The following ESRRG variants were observed in gnomAD, a reference collection of about 807,000 sequenced individuals.
The protein encoded by ESRRG is estrogen related receptor gamma.
ESRRG carries 13 observed loss-of-function variants against 44.0 expected under a neutral mutation model. The ratio of observed to expected loss-of-function variants is 0.30; its 90% CI spans 0.19 to 0.47. ESRRG has a LOEUF of 0.47. Ranked by LOEUF, ESRRG falls within the 20% of genes least tolerant of loss-of-function variation. The pLI is 1.00. For missense variants in ESRRG, 395 were observed against 580.6 expected (o/e 0.68, Z 3.29); for synonymous variants, 215 against 214.6 (o/e 1.00, Z -0.02).
chr1:216,694,070 T>A (rs879496801), intron 1 of ESRRG, among the ~76,000 whole-genome samples: 3 of 152,188 alleles, frequency 2.0e-5, no homozygotes, highest in Admixed American at 2.0e-4. Flanking sequence ...AAAATGATTA[T>A]AAGATTTTTA....
chr1:216,562,603 G>A (rs534766716), intron 5 of ESRRG, among the ~76,000 whole-genome samples: 36 of 152,152 alleles, frequency 2.4e-4, no homozygotes, highest in Non-Finnish European at 4.9e-4. Flanking sequence ...TAGAGGCCAT[G>A]GGTGCCGCTA....
chr1:216,684,893 T>C (rs1480981498), intron 1 of ESRRG, among the ~76,000 whole-genome samples: 1 of 152,210 alleles, frequency 6.6e-6, no homozygotes, highest in African/African-American at 2.4e-5. Context: ...AGTGTGTATA[T>C]TTGCCCTAAT....
chr1:216,716,874 T>C (rs543789958), intron 1 of ESRRG, among the ~76,000 whole-genome samples: 32 of 152,034 alleles, frequency 2.1e-4, no homozygotes, highest in Middle Eastern at 3.4e-3. Context: ...GGTTTATAGC[T>C]ACATTCAAAT....
At position 216,519,162 on chromosome 1, in the gene ESRRG, A is replaced by G. The variant is rs763268140; in HGVS notation, c.1122T>C (p.Leu374=). ...TGTCAGTATGCCAACCTGAATTAGCAAGAGCTATAGCTTTGAGGGTGACAA... is the reference window on the plus strand; with the variant it reads ...TGTCAGTATGCCAACCTGAATTAGCGAGAGCTATAGCTTTGAGGGTGACAA... ...EEFVTLKAIA[L]ANSDSMHIED... The change falls in exon 6 of 7, where the codon CTT becomes CTC. Residue 374 remains leucine (L), a synonymous_variant. Coordinates refer to ENST00000408911, the MANE Select transcript of ESRRG (RefSeq NM_001438.4). 1 of 1,613,558 alleles carries G rather than the reference A, an allele frequency of 6.2e-7. No homozygotes were observed. Among genetic ancestry groups the G allele is most frequent in the African/African-American group, 1.3e-5 (1 of 75,024 alleles).
chr1:217,008,355 G>T (rs185263803), intron 1 of ESRRG, among the ~76,000 whole-genome samples: 325 of 152,304 alleles, frequency 2.1e-3, no homozygotes, highest in African/African-American at 7.5e-3. Flanking sequence ...TTTCTCCACA[G>T]TCAGAATATA....
At chr1:216,610,348 C>T (rs1168562392) in intron 3 of ESRRG, among the ~76,000 whole-genome samples, 2 of 152,064 alleles carry the variant, frequency 1.3e-5, no homozygotes, top group Non-Finnish European at 2.9e-5. Context: ...CCAGCTTAAT[C>T]CCTGCCTAAT....
chr1:216,536,044 C>G (rs1387755669), intron 5 of ESRRG, among the ~76,000 whole-genome samples: 1 of 152,154 alleles, frequency 6.6e-6, no homozygotes. Flanking sequence ...ACTGACCCCT[C>G]TCTTACTTCC....
At chr1:216,618,451 G>A (rs2061718667) in intron 3 of ESRRG, among the ~76,000 whole-genome samples, 1 of 152,058 alleles carries the variant, frequency 6.6e-6, no homozygotes, top group African/African-American at 2.4e-5. Flanking sequence ...GCCTCATTTG[G>A]TACCATGTCC....
intron 2 of ESRRG, among the ~76,000 whole-genome samples, chr1:216,913,623 C>T (rs2060773787): frequency 6.6e-6 from 1 of 152,240 alleles, no homozygotes; most frequent in Non-Finnish European, 1.5e-5. Context: ...ACTCACTCTA[C>T]GGCCCTTGCC....
chr1:216,986,635 G>A (rs1249732613), intron 1 of ESRRG, among the ~76,000 whole-genome samples: 1 of 151,186 alleles, frequency 6.6e-6, no homozygotes, highest in African/African-American at 2.5e-5. Flanking sequence ...GCTGAGGCTG[G>A]AGGATCGCTT....
At chr1:216,993,166 C>T (rs966312762) in intron 1 of ESRRG, among the ~76,000 whole-genome samples, 5 of 152,184 alleles carry the variant, frequency 3.3e-5, no homozygotes, top group African/African-American at 1.2e-4. Context: ...ATTTTATTCA[C>T]ACTTTAAAAC....
At chr1:217,068,817 G>T (rs149412128) in intron 1 of ESRRG, among the ~76,000 whole-genome samples, 2 of 152,064 alleles carry the variant, frequency 1.3e-5, no homozygotes, top group African/African-American at 4.8e-5. Flanking sequence ...CACTTTTTCC[G>T]CCTTCCAATC....
At chr1:216,834,615 A>C (rs896377217) in intron 2 of ESRRG, among the ~76,000 whole-genome samples, 1 of 152,214 alleles carries the variant, frequency 6.6e-6, no homozygotes, top group African/African-American at 2.4e-5. Context: ...AAATGTTTGA[A>C]AAATGATTGT....
intron 1 of ESRRG, among the ~76,000 whole-genome samples, chr1:217,123,574 T>C (rs1051770240): frequency 3.9e-5 from 6 of 151,978 alleles, no homozygotes; most frequent in African/African-American, 1.5e-4. Flanking sequence ...TATACAACCA[T>C]AAAAAAGAAT....
intron 2 of ESRRG, among the ~76,000 whole-genome samples, chr1:216,901,615 C>A (rs557925062): frequency 3.9e-5 from 6 of 152,194 alleles, no homozygotes. Context: ...AAGTAATGTT[C>A]CCACCTTGGC....
chr1:216,695,797 A>T (rs796888660), intron 1 of ESRRG, among the ~76,000 whole-genome samples: 1 of 152,214 alleles, frequency 6.6e-6, no homozygotes, highest in East Asian at 1.9e-4. Flanking sequence ...GATACCATGA[A>T]GTCAAGATCA....
intron 2 of ESRRG, among the ~76,000 whole-genome samples, chr1:216,821,339 G>A (rs2148613567): frequency 6.6e-6 from 1 of 152,166 alleles, no homozygotes; most frequent in African/African-American, 2.4e-5. Flanking sequence ...CCATCCCACT[G>A]AACCATTTGA....
chr1:217,102,543 C>T (rs556736928), intron 1 of ESRRG, among the ~76,000 whole-genome samples: 7 of 152,262 alleles, frequency 4.6e-5, no homozygotes, highest in African/African-American at 1.4e-4. Context: ...TGAAATTACC[C>T]TCCCACGTCT....
intron 2 of ESRRG, among the ~76,000 whole-genome samples, chr1:216,652,590 A>G (rs1272752627): frequency 2.0e-5 from 3 of 152,196 alleles, no homozygotes; most frequent in African/African-American, 7.2e-5. Flanking sequence ...ACTTTTTAAC[A>G]GGAGGTTAAA....
Sources: gnomAD v4.1 joint callset for allele counts (sites outside exome capture counted in the v4.1 genomes callset) on GRCh38, gnomAD v4.1.1 for gene constraint, MANE v1.5 for transcripts, NCBI Gene and HGNC (gene_info 2026-07-23, HGNC 2026-07-21) for gene names.